UACA: variants seen among roughly 807,000 people sequenced by gnomAD.
The protein encoded by UACA is nuclear membrane binding protein.
Under a neutral mutation model 160.5 loss-of-function variants are expected in UACA, and 112 were observed. That is an observed-to-expected ratio of 0.70 (90% CI 0.60 to 0.82). UACA has a LOEUF of 0.82. UACA is among the 40% of genes least tolerant of loss of function. The pLI is 0.00. For synonymous variants in UACA, 557 were observed against 568.4 expected, an observed-to-expected ratio of 0.98 and a Z score of 0.29; for missense variants, 1,574 against 1,614.6, an observed-to-expected ratio of 0.97 and a Z score of 0.43.
chr15:70,667,975 C>G lies in UACA; in HGVS notation c.2709G>C (p.Lys903Asn). ...INQEFVKIKD[K>N]NEILKRNLEN... ...CCAGGTTTCTTTTTAATATTTCATT[C>G]TTATCTTTTATTTTTACAAATTCCT... The change falls in exon 16 of 19, where the codon AAG (lysine) becomes AAC (asparagine). Residue 903 changes from lysine (K) to asparagine (N), a missense_variant. By Grantham distance (94) the Lys-to-Asn change is moderately conservative. Coordinates refer to ENST00000322954, the MANE Select transcript of UACA (RefSeq NM_018003.4). 1.2e-6 allele frequency: 2 copies of G among 1,602,078 alleles called. No individual in the cohort carries two copies. Among genetic ancestry groups the G allele is most frequent in the Non-Finnish European group, 1.7e-6 (2 of 1,174,912 alleles).
Position 70,664,704 on chromosome 15 carries a change from G to A in UACA, c.4071C>T (p.Asp1357=). Residue 1357 remains aspartate (D), a synonymous_variant, in exon 17 of 19, where the codon GAC becomes GAT. Coordinates refer to ENST00000322954, the MANE Select transcript of UACA (RefSeq NM_018003.4). ...NPTKRQSQLI[D]TLQHQVKSLE... ...GAGATTTCACTTGGTGCTGCAGAGT[G>A]TCAATCAGCTGGCTCTGCCTCTTGG... is the stretch of plus-strand genomic sequence containing the variant. 1 of 1,613,586 alleles carries A rather than the reference G, an allele frequency of 6.2e-7. No individual in the cohort carries two copies. Among genetic ancestry groups the A allele is most frequent in the African/African-American group, 1.3e-5 (1 of 75,004 alleles).
chr15:70,743,467 T>G (rs1458517342), intron 1 of UACA, among the ~76,000 whole-genome samples: 1 of 152,182 alleles, frequency 6.6e-6, no homozygotes, highest in African/African-American at 2.4e-5. Flanking sequence ...GGATGTGTAT[T>G]TTTCACTGCG....
At chr15:70,681,720 C>T (rs1897513903) in intron 9 of UACA, 1 of 152,012 alleles carries the variant, frequency 6.6e-6, no homozygotes, top group South Asian at 2.1e-4. Context: ...GGAAAAGTGT[C>T]AACAGACATG....
At position 70,691,301 on chromosome 15, in the gene UACA, G is replaced by A. The variant is rs1482752531; in HGVS notation, c.364C>T (p.Gln122Ter). The change falls in exon 4 of 19, where the codon CAG (glutamine) becomes TAG (stop). Residue 122 changes from glutamine (Q) to a stop codon, truncating the protein, a stop_gained and splice_region_variant. Transcript: ENST00000322954. LOFTEE classifies it high-confidence loss of function. ...GHALCLQKLL[Q>*]YNCPTEHADL... ...AAAGTATTAACCACTTCCACTACCT[G>A]TAGAAGTTTTTGTAGGCACAATGCA... 1 of 1,600,456 alleles carries A rather than the reference G, an allele frequency of 6.2e-7. No individual in the cohort carries two copies. The highest frequency in any genetic ancestry group is 8.5e-7 in the Non-Finnish European group (1 of 1,171,938).
intron 1 of UACA, among the ~76,000 whole-genome samples, chr15:70,736,248 T>C (rs540195380): frequency 2.4e-3 from 363 of 152,348 alleles, no homozygotes; most frequent in African/African-American, 8.3e-3. Context: ...GTCAAGTAGC[T>C]GTATATAAAG....
chr15:70,745,858 G>C (rs1899692830), intron 1 of UACA, among the ~76,000 whole-genome samples: 1 of 152,158 alleles, frequency 6.6e-6, no homozygotes, highest in Non-Finnish European at 1.5e-5. Flanking sequence ...ACAGGCAGTG[G>C]GGAAAGGATT....
intron 5 of UACA, among the ~76,000 whole-genome samples, chr15:70,689,135 G>C (rs141652451): frequency 2.0e-5 from 3 of 152,218 alleles, no homozygotes; most frequent in East Asian, 3.9e-4. Context: ...CTGCTAGCTA[G>C]AATACGGCTA....
At chr15:70,759,063 T>C (rs968749037) in intron 1 of UACA, among the ~76,000 whole-genome samples, 3 of 152,138 alleles carry the variant, frequency 2.0e-5, no homozygotes, top group South Asian at 2.1e-4. Flanking sequence ...TTTGTGGAGA[T>C]AGGATTTCAC....
intron 1 of UACA, among the ~76,000 whole-genome samples, chr15:70,712,119 T>C (rs1050957524): frequency 1.3e-5 from 2 of 150,960 alleles, no homozygotes; most frequent in South Asian, 2.1e-4. Context: ...AGTACCTACA[T>C]GTCCCAAACC....
At chr15:70,657,215 C>CTA (rs1896504128) in intron 18 of UACA, 88 bp from the exon 19 acceptor site, 1 of 1,030,472 alleles carries the variant, frequency 9.7e-7, no homozygotes, top group African/African-American at 1.6e-5. Context: ...CAGAGCATAA[C>CTA]TAGTCATTGA....
In UACA at chr15:70,725,486, C is replaced by T. The variant is rs192268843; in HGVS notation, c.79-25826G>A. Among the ~76,000 whole-genome samples, 364 of 152,244 alleles carry T rather than the reference C, an allele frequency of 2.4e-3. 4 individuals are homozygous for T. The highest frequency in any genetic ancestry group is 9.4e-4 in the Non-Finnish European group (64 of 68,014). On this transcript the variant is annotated intron_variant, in intron 1 of 18. Transcript: ENST00000322954. The stretch of plus-strand genomic sequence containing the variant: ...TAGTCATTTTAATTGTCAAAGGGAA[C>T]ATTTGCCATCAATGGTTGTGAAAGG...
chr15:70,744,371 A>G (rs1159687178), intron 1 of UACA, among the ~76,000 whole-genome samples: 1 of 151,992 alleles, frequency 6.6e-6, no homozygotes, highest in Non-Finnish European at 1.5e-5. Context: ...CCCCATCCCT[A>G]CCACATAAAT....
chr15:70,776,368 G>A, the UACA span, among the ~76,000 whole-genome samples: 576 of 151,022 alleles, frequency 3.8e-3, 5 homozygotes, highest in African/African-American at 0.013. Flanking sequence ...AAGGACAGAG[G>A]TTCCTGTTTT....
At chr15:70,679,275 T>C (rs535551163) in intron 10 of UACA, among the ~76,000 whole-genome samples, 1 of 151,820 alleles carries the variant, frequency 6.6e-6, no homozygotes, top group Admixed American at 6.6e-5. Context: ...TGGTGGCACA[T>C]GCCTGTAATC....
At chr15:70,764,397 ATTAT>A (rs2030949526), upstream of UACA, among the ~76,000 whole-genome samples, 1 of 152,220 alleles carries the variant, frequency 6.6e-6, no homozygotes, top group African/African-American at 2.4e-5. Flanking sequence ...GTTAGTAAAA[ATTAT>A]TTAAGAGGAT....
chr15:70,658,694 G>A (rs949473237), intron 18 of UACA, among the ~76,000 whole-genome samples: 2 of 151,900 alleles, frequency 1.3e-5, no homozygotes, highest in African/African-American at 2.4e-5. Flanking sequence ...TTAAAATACC[G>A]CACCCCCTCC....
At position 70,699,508 on chromosome 15, in the gene UACA, TATC is replaced by T. The variant is rs1898253457; in HGVS notation, c.212+16_212+18del. On this transcript the variant is annotated intron_variant, in intron 2 of 18. Transcript: ENST00000322954. ...TCCAAATTCCCTTCAGACATGCTTT[TATC>T]ATCAATAATACTTACACAGATCTGC... 6.2e-7 allele frequency: 1 copy of T among 1,607,438 alleles called. No individual in the cohort carries two copies. The highest frequency in any genetic ancestry group is 8.5e-7 in the Non-Finnish European group (1 of 1,176,224).
chr15:70,774,805 G>C, the UACA span, among the ~76,000 whole-genome samples: 1 of 152,098 alleles, frequency 6.6e-6, no homozygotes. Context: ...TGTAATCCCA[G>C]CAATTTTGGA....
chr15:70,766,393 C>A (rs2031009165), upstream of UACA, among the ~76,000 whole-genome samples: 1 of 151,488 alleles, frequency 6.6e-6, no homozygotes, highest in Admixed American at 6.6e-5. Flanking sequence ...CCTAGATGAC[C>A]TTTTGTTTGT....
Sources: allele counts gnomAD v4.1 joint callset (sites outside exome capture counted in the v4.1 genomes callset), GRCh38; gene constraint gnomAD v4.1.1; transcripts MANE v1.5; gene names NCBI Gene and HGNC (gene_info 2026-07-23, HGNC 2026-07-21).